Variants in EYS observed in about 807,000 individuals in gnomAD.
EYS encodes EGF-like photoreceptor maintenance factor.
A neutral mutation model predicts 282.1 loss-of-function variants in EYS; 250 were observed. The observed-to-expected ratio is 0.89, with a 90% CI of 0.80 to 0.98. EYS has a LOEUF of 0.98. Ranked by LOEUF, EYS falls within the 50% of genes least tolerant of loss-of-function variation. The probability of loss-of-function intolerance (pLI) is 0.00; values close to 1 mark genes in which losing one functional copy is unlikely to be tolerated. For synonymous variants in EYS, 1,355 were observed against 1,282.9 expected, an observed-to-expected ratio of 1.06 and a Z score of -1.20; for missense variants, 4,016 against 3,709.0, an observed-to-expected ratio of 1.08 and a Z score of -2.15.
chr6:65,512,061 C>A (rs114857555), intron 2 of EYS, among the ~76,000 whole-genome samples: 2 of 149,110 alleles, frequency 1.3e-5, no homozygotes, highest in South Asian at 4.3e-4. Flanking sequence ...ATTGAGGATT[C>A]AAAACCCAGT....
intron 12 of EYS, among the ~76,000 whole-genome samples, chr6:65,152,436 T>C (rs112297530): frequency 1.3e-5 from 2 of 151,858 alleles, no homozygotes; most frequent in African/African-American, 4.8e-5. Flanking sequence ...TTGGCCCTAA[T>C]CCAATTGGTC....
At chr6:65,183,692 A>G (rs977979516) in intron 12 of EYS, among the ~76,000 whole-genome samples, 1 of 151,754 alleles carries the variant, frequency 6.6e-6, no homozygotes, top group African/African-American at 2.4e-5. Flanking sequence ...TATACTTTCT[A>G]CCCAGTTAGT....
At chr6:63,835,753 A>G (rs1005947352) in intron 36 of EYS, among the ~76,000 whole-genome samples, 2 of 152,116 alleles carry the variant, frequency 1.3e-5, no homozygotes, top group African/African-American at 4.8e-5. Context: ...ATATGAAACT[A>G]TAACAGTTTT....
chr6:65,187,296 G>A (rs1765537885), intron 12 of EYS, among the ~76,000 whole-genome samples: 1 of 151,478 alleles, frequency 6.6e-6, no homozygotes. Context: ...GATTACTCAG[G>A]GTAGGGAGGA....
chr6:65,484,408 TAG>T (rs1226857303), intron 5 of EYS, among the ~76,000 whole-genome samples: 1 of 152,204 alleles, frequency 6.6e-6, no homozygotes, highest in African/African-American at 2.4e-5. Flanking sequence ...GTGTGAGATA[TAG>T]AGTTATACAT....
intron 31 of EYS, among the ~76,000 whole-genome samples, chr6:64,161,622 G>T (rs888287646): frequency 2.0e-5 from 3 of 151,964 alleles, no homozygotes; most frequent in African/African-American, 7.2e-5. Flanking sequence ...GCAAACACTG[G>T]GGATAATGAG....
intron 8 of EYS, among the ~76,000 whole-genome samples, chr6:65,357,514 C>T (rs1764534056): frequency 6.6e-6 from 1 of 151,956 alleles, no homozygotes; most frequent in South Asian, 2.1e-4. Flanking sequence ...AAATATACCA[C>T]AGCTGTTTTT....
chr6:64,691,705 T>C (rs191774138), intron 22 of EYS, among the ~76,000 whole-genome samples: 2 of 152,230 alleles, frequency 1.3e-5, no homozygotes, highest in East Asian at 3.9e-4. Flanking sequence ...TATATGTCAA[T>C]GTGTGTTCAA....
chr6:65,109,069 T>C (rs916737732), intron 12 of EYS, among the ~76,000 whole-genome samples: 2 of 152,064 alleles, frequency 1.3e-5, no homozygotes, highest in African/African-American at 2.4e-5. Context: ...GATTTCCTAT[T>C]ACTCTGCTGA....
At chr6:63,975,887 T>C (rs964205042) in intron 35 of EYS, among the ~76,000 whole-genome samples, 53 of 152,126 alleles carry the variant, frequency 3.5e-4, no homozygotes, top group Admixed American at 7.9e-4. Flanking sequence ...AATTTCATCA[T>C]TGTGCAAGCA....
At chr6:64,352,809 AATTTT>A (rs1335893694) in intron 29 of EYS, among the ~76,000 whole-genome samples, 1 of 151,496 alleles carries the variant, frequency 6.6e-6, no homozygotes, top group African/African-American at 2.4e-5. Context: ...GGGAAAATAT[AATTTT>A]ATTGTTAATT....
chr6:64,279,881 C>T (rs1032330949), intron 30 of EYS, among the ~76,000 whole-genome samples: 1 of 152,148 alleles, frequency 6.6e-6, no homozygotes, highest in Non-Finnish European at 1.5e-5. Flanking sequence ...TTACAGTTCA[C>T]GTTTCAACAA....
chr6:64,604,275 T>C (rs963937859), intron 24 of EYS, among the ~76,000 whole-genome samples: 5 of 152,036 alleles, frequency 3.3e-5, no homozygotes, highest in Non-Finnish European at 5.9e-5. Flanking sequence ...ATGTTTTCTG[T>C]CTGATAACCT....
chr6:64,222,127 A>C (rs774462811), intron 31 of EYS, among the ~76,000 whole-genome samples: 4 of 152,108 alleles, frequency 2.6e-5, no homozygotes, highest in Non-Finnish European at 5.9e-5. Flanking sequence ...CAGAGAATAG[A>C]GACATTCACA....
At chr6:64,466,418 C>G (rs1280655207) in intron 26 of EYS, among the ~76,000 whole-genome samples, 2 of 151,982 alleles carry the variant, frequency 1.3e-5, no homozygotes, top group African/African-American at 4.8e-5. Context: ...ACTATTCAGC[C>G]TTAAAAAAGG....
chr6:65,163,962 G>T (rs1764910072), intron 12 of EYS, among the ~76,000 whole-genome samples: 1 of 151,240 alleles, frequency 6.6e-6, no homozygotes, highest in South Asian at 2.1e-4. Flanking sequence ...GTTCTTATCA[G>T]ATGCATCCCT....
chr6:65,125,587 C>T (rs1050350768), intron 12 of EYS, among the ~76,000 whole-genome samples: 1 of 152,100 alleles, frequency 6.6e-6, no homozygotes, highest in African/African-American at 2.4e-5. Flanking sequence ...TAGACTAAAG[C>T]TGTTGTAATA....
Position 64,895,131 on chromosome 6 carries a change from G to A in EYS, c.2846+6982C>T, listed in dbSNP as rs77526612. On this transcript the variant is annotated intron_variant, in intron 18 of 42. Coordinates refer to ENST00000503581, the MANE Select transcript of EYS (RefSeq NM_001142800.2). ...CCAAACATCCCTACTTACCTCACCA[G>A]ATTGGACAATGCAAAAGCTAGAAAG... Among the ~76,000 whole-genome samples, 558 of 152,162 alleles carry A rather than the reference G, an allele frequency of 3.7e-3. 6 individuals carry two copies. Among genetic ancestry groups the A allele is most frequent in the African/African-American group, 0.013 (537 of 41,518 alleles).
chr6:65,509,807 T>C (rs1259608954), intron 2 of EYS, among the ~76,000 whole-genome samples: 2 of 152,282 alleles, frequency 1.3e-5, no homozygotes, highest in South Asian at 2.1e-4. Flanking sequence ...TGTTTACTTG[T>C]TTGTTTCCCC....
Sources: gnomAD v4.1 joint callset for allele counts (sites outside exome capture counted in the v4.1 genomes callset) on GRCh38, gnomAD v4.1.1 for gene constraint, MANE v1.5 for transcripts, NCBI Gene and HGNC (gene_info 2026-07-23, HGNC 2026-07-21) for gene names.